Variants in TG observed in about 807,000 individuals in gnomAD.
TG encodes thyroid hormones.
A neutral mutation model predicts 324.7 loss-of-function variants in TG; 270 were observed. That is an observed-to-expected ratio of 0.83 (90% CI 0.75 to 0.92). The LOEUF (loss-of-function observed/expected upper bound fraction) is 0.92. Ranked by LOEUF, TG falls within the 40% of genes least tolerant of loss-of-function variation. The pLI is 0.00. For synonymous variants in TG, 1,401 were observed against 1,327.0 expected, an observed-to-expected ratio of 1.06 and a Z score of -1.21; for missense variants, 3,591 against 3,456.4, an observed-to-expected ratio of 1.04 and a Z score of -0.98.
Position 132,877,577 on chromosome 8 carries a change from G to A in TG, c.639-4286G>A, listed in dbSNP as rs751401876. The stretch of plus-strand genomic sequence containing the variant: ...CTGACTGAGCCCGGAGGCAGGAATC[G>A]TACTCTGCGAATGAACAAGACCAGA... On this transcript the variant is annotated intron_variant, in intron 5 of 47. Coordinates refer to ENST00000220616, the MANE Select transcript of TG (RefSeq NM_003235.5). Among the ~76,000 whole-genome samples, 187 of 152,186 alleles carry A rather than the reference G, an allele frequency of 1.2e-3. 1 individual carries two copies. Among genetic ancestry groups the A allele is most frequent in the Middle Eastern group, 3.2e-3 (1 of 316 alleles).
intron 35 of TG, chr8:133,001,821 G>T: frequency 1.0e-6 from 1 of 985,462 alleles, no homozygotes; most frequent in South Asian, 4.7e-5. Flanking sequence ...CTGCCTGAAA[G>T]GTTTCAGAAT....
chr8:132,888,367 C>T lies in TG; in HGVS notation c.2560C>T (p.Arg854Trp), dbSNP rs202196940. The stretch of plus-strand genomic sequence containing the variant: ...CCCACTAGCAGCACTGGAAGGGAAA[C>T]GGCCCCAGCCCAGGGAGAATATCCT... ...DVPLAALEGK[R>W]PQPRENILLE... is the part of the protein sequence containing the mutation. The change falls in exon 10 of 48, where the codon CGG becomes TGG. Residue 854 changes from arginine to tryptophan, a missense_variant. By Grantham distance (101) the Arg-to-Trp change is moderately radical. Transcript: ENST00000220616. 405 of 1,614,172 alleles carry T rather than the reference C, an allele frequency of 2.5e-4. 1 individual carries two copies. The highest frequency in any genetic ancestry group is 5.7e-4 in the South Asian group (52 of 91,086).
intron 41 of TG, chr8:133,037,063 CT>C (rs1461026502): frequency 6.6e-6 from 1 of 152,204 alleles, no homozygotes; most frequent in Non-Finnish European, 1.5e-5. Context: ...AACTGTGTAA[CT>C]GCACATACAC....
chr8:133,013,820 G>C, intron 37 of TG, 56 bp downstream of exon 37: 1 of 1,573,192 alleles, frequency 6.4e-7, no homozygotes, highest in South Asian at 1.1e-5. Flanking sequence ...CTGGGGAAGG[G>C]ACTATTTAAA....
intron 41 of TG, among the ~76,000 whole-genome samples, chr8:133,078,017 A>C (rs1588016903): frequency 6.6e-6 from 1 of 152,168 alleles, no homozygotes; most frequent in East Asian, 1.9e-4. Context: ...TGGGTTGTAA[A>C]GTGCTGCCCT....
intron 41 of TG, chr8:133,058,924 G>A: frequency 2.2e-6 from 1 of 456,100 alleles, no homozygotes; most frequent in South Asian, 1.6e-5. Flanking sequence ...TGAAAGGGGT[G>A]TGGGGTGGCT....
At chr8:132,974,663 C>G (rs1829976715) in intron 34 of TG, among the ~76,000 whole-genome samples, 1 of 152,198 alleles carries the variant, frequency 6.6e-6, no homozygotes, top group African/African-American at 2.4e-5. Flanking sequence ...GACTGACCTT[C>G]CCCCAACTCA....
chr8:133,019,715 C>A lies in TG; in HGVS notation c.6876+20C>A, dbSNP rs367967937. The stretch of plus-strand genomic sequence containing the variant: ...AATGTGGTGAGTTCAAAAGCACTTG[C>A]TATGGTTGCCCTGAAGACTGTCCCA... On this transcript the variant is annotated intron_variant, in intron 39 of 47. Coordinates refer to ENST00000220616, the MANE Select transcript of TG (RefSeq NM_003235.5). 25 of 1,598,772 alleles carry A rather than the reference C, an allele frequency of 1.6e-5. No individual in the cohort carries two copies. In the African/African-American group the frequency reaches 3.4e-4, roughly 21 times the overall value.
chr8:132,913,930 A>T (rs940006266), intron 20 of TG, among the ~76,000 whole-genome samples: 9 of 152,168 alleles, frequency 5.9e-5, no homozygotes, highest in Non-Finnish European at 1.0e-4. Flanking sequence ...CCCCTGGGGA[A>T]ATCTGTTTCC....
At chr8:132,894,711 T>A (rs1816856391) in intron 11 of TG, among the ~76,000 whole-genome samples, 2 of 152,196 alleles carry the variant, frequency 1.3e-5, no homozygotes, top group African/African-American at 4.8e-5. Flanking sequence ...TCTGTCTGCC[T>A]CGGCCTCCCA....
intron 27 of TG, among the ~76,000 whole-genome samples, chr8:132,960,700 G>A (rs1412692059): frequency 1.3e-5 from 2 of 152,192 alleles, no homozygotes; most frequent in African/African-American, 4.8e-5. Context: ...GAGTGTCCCA[G>A]GAGGTTTACT....
intron 32 of TG, among the ~76,000 whole-genome samples, chr8:132,969,898 G>GC (rs1829240702): frequency 8.3e-6 from 1 of 120,708 alleles, no homozygotes; most frequent in Admixed American, 1.0e-4. Context: ...TAGCAACAGA[G>GC]CGAGACTCTG....
At chr8:132,929,603 G>A (rs1284969272) in intron 23 of TG, among the ~76,000 whole-genome samples, 1 of 134,834 alleles carries the variant, frequency 7.4e-6, no homozygotes, top group African/African-American at 2.4e-5. Flanking sequence ...GCTATCCTGA[G>A]TTACAGAAGA....
chr8:133,108,892 G>A (rs990082990), intron 43 of TG, among the ~76,000 whole-genome samples: 4 of 152,186 alleles, frequency 2.6e-5, no homozygotes, highest in Admixed American at 6.5e-5. Context: ...GGTTTAGCCC[G>A]GGACAGGTTA....
At chr8:133,040,107 C>T (rs1261196628) in intron 41 of TG, 2 of 1,574,558 alleles carry the variant, frequency 1.3e-6, no homozygotes, top group Non-Finnish European at 1.7e-6. Context: ...GTGGTGAGCA[C>T]ACAGCACAGG....
At chr8:133,025,837 G>A (rs762525582) in intron 40 of TG, among the ~76,000 whole-genome samples, 4 of 152,348 alleles carry the variant, frequency 2.6e-5, no homozygotes, top group Non-Finnish European at 4.4e-5. Context: ...TGCAGGGAAT[G>A]TGGCTTTGCA....
At chr8:132,941,311 T>C (rs1824409857) in intron 25 of TG, 40 bp from the exon 26 acceptor site, 6 of 1,611,514 alleles carry the variant, frequency 3.7e-6, no homozygotes, top group East Asian at 2.2e-5. Context: ...CTCTGCCATG[T>C]TTTGAGGTCT....
chr8:133,005,422 G>T (rs1181688735), intron 35 of TG, among the ~76,000 whole-genome samples: 1 of 152,146 alleles, frequency 6.6e-6, no homozygotes, highest in African/African-American at 2.4e-5. Flanking sequence ...CAGGCTGAGA[G>T]CCCCATCATT....
At chr8:133,032,341 C>G (rs963748881) in intron 41 of TG, among the ~76,000 whole-genome samples, 2 of 152,194 alleles carry the variant, frequency 1.3e-5, no homozygotes, top group Non-Finnish European at 2.9e-5. Context: ...AACAAACTAT[C>G]CTGCGTTGAA....
Sources: allele counts gnomAD v4.1 joint callset (sites outside exome capture counted in the v4.1 genomes callset), GRCh38; gene constraint gnomAD v4.1.1; transcripts MANE v1.5; gene names NCBI Gene and HGNC (gene_info 2026-07-23, HGNC 2026-07-21).